The following ASCC3 variants were observed in gnomAD, a reference collection of about 807,000 sequenced individuals.
ASCC3 encodes the protein activating signal cointegrator 1 complex subunit 3, also known as ASC-1 complex subunit P200.
A neutral mutation model predicts 256.3 loss-of-function variants in ASCC3; 158 were observed. The observed-to-expected ratio is 0.62, with a 90% CI of 0.54 to 0.70. The LOEUF (loss-of-function observed/expected upper bound fraction) is 0.70. Ranked by LOEUF, ASCC3 falls within the 30% of genes least tolerant of loss-of-function variation. The probability of loss-of-function intolerance (pLI) is 0.00; values close to 1 mark genes in which losing one functional copy is unlikely to be tolerated. For synonymous variants in ASCC3, 948 were observed against 883.4 expected (o/e 1.07, Z -1.30); for missense variants, 2,259 against 2,626.0 (o/e 0.86, Z 3.05).
chr6:100,715,744 A>C (rs1356666019), intron 12 of ASCC3, among the ~76,000 whole-genome samples: 1 of 151,788 alleles, frequency 6.6e-6, no homozygotes, highest in Non-Finnish European at 1.5e-5. Context: ...AACTCAGATA[A>C]TAGTTTCTGA....
intron 4 of ASCC3, among the ~76,000 whole-genome samples, chr6:100,810,384 T>C (rs1374461274): frequency 6.6e-6 from 1 of 152,168 alleles, no homozygotes; most frequent in African/African-American, 2.4e-5. Context: ...AGATTTCTCA[T>C]TACTCTATGT....
intron 13 of ASCC3, among the ~76,000 whole-genome samples, chr6:100,695,451 C>G (rs1778038658): frequency 6.6e-6 from 1 of 152,106 alleles, no homozygotes; most frequent in South Asian, 2.1e-4. Flanking sequence ...GTAATCCTCC[C>G]TGAAATTTCT....
At chr6:100,563,983 G>C (rs754132079) in intron 36 of ASCC3, among the ~76,000 whole-genome samples, 31 of 151,862 alleles carry the variant, frequency 2.0e-4, no homozygotes, top group Middle Eastern at 3.4e-3. Context: ...CTAGTCCAAG[G>C]TCATACAGTT....
At chr6:100,628,085 C>CAAAAACAAAAAA (rs945307287) in intron 27 of ASCC3, 98 bp from the exon 28 acceptor site, 1 of 1,001,336 alleles carries the variant, frequency 1.0e-6, no homozygotes, top group Admixed American at 2.8e-5. Context: ...CCTCAAAAAA[C>CAAAAACAAAAAA]AAAAACAAAA....
intron 26 of ASCC3, among the ~76,000 whole-genome samples, chr6:100,630,180 C>A (rs970811314): frequency 2.6e-5 from 4 of 152,002 alleles, no homozygotes; most frequent in Admixed American, 6.6e-5. Context: ...TGAGCCACCA[C>A]GCCCAGCCTA....
At chr6:100,528,125 C>T (rs1410788183) in intron 37 of ASCC3, among the ~76,000 whole-genome samples, 1 of 152,062 alleles carries the variant, frequency 6.6e-6, no homozygotes, top group Admixed American at 6.6e-5. Flanking sequence ...GCATGAGATA[C>T]TGCACTTGGC....
intron 10 of ASCC3, among the ~76,000 whole-genome samples, chr6:100,760,606 A>G (rs539630951): frequency 6.6e-6 from 1 of 152,336 alleles, no homozygotes; most frequent in East Asian, 1.9e-4. Flanking sequence ...ATTAAAAAAT[A>G]GAAATGTCTC....
At chr6:100,617,068 G>A (rs1295124250) in intron 30 of ASCC3, among the ~76,000 whole-genome samples, 1 of 152,002 alleles carries the variant, frequency 6.6e-6, no homozygotes, top group Non-Finnish European at 1.5e-5. Flanking sequence ...GCAGTGGCGC[G>A]ATCTTGGCTC....
At chr6:100,761,667 C>T (rs1210004908) in intron 10 of ASCC3, among the ~76,000 whole-genome samples, 1 of 152,058 alleles carries the variant, frequency 6.6e-6, no homozygotes, top group Non-Finnish European at 1.5e-5. Context: ...TATAATCCAA[C>T]ATGCATGACT....
intron 11 of ASCC3, among the ~76,000 whole-genome samples, chr6:100,723,162 T>C (rs1378452358): frequency 1.3e-5 from 2 of 151,704 alleles, no homozygotes; most frequent in Non-Finnish European, 3.0e-5. Context: ...CTTTTAAATA[T>C]TTCTCAATAA....
intron 22 of ASCC3, among the ~76,000 whole-genome samples, chr6:100,645,197 C>A (rs1775319149): frequency 6.6e-6 from 1 of 151,890 alleles, no homozygotes; most frequent in South Asian, 2.1e-4. Context: ...GTAAGAAATA[C>A]AAAACTTCCA....
At chr6:100,837,695 G>C (rs571304516) in intron 4 of ASCC3, among the ~76,000 whole-genome samples, 2 of 147,244 alleles carry the variant, frequency 1.4e-5, no homozygotes, top group East Asian at 3.9e-4. Context: ...CTCATAGAAG[G>C]AGAGAGTACA....
intron 14 of ASCC3, among the ~76,000 whole-genome samples, chr6:100,679,146 A>C (rs796594261): frequency 7.9e-5 from 12 of 151,730 alleles, no homozygotes; most frequent in African/African-American, 2.9e-4. Context: ...TTGTCCTTTG[A>C]GCATGTGTAC....
intron 30 of ASCC3, among the ~76,000 whole-genome samples, chr6:100,616,750 GAC>G (rs1443421572): frequency 1.3e-5 from 2 of 152,116 alleles, no homozygotes; most frequent in Non-Finnish European, 2.9e-5. Flanking sequence ...TACTTGTAAG[GAC>G]AAAAGTGAAT....
At chr6:100,619,689 C>A (rs924902462) in intron 30 of ASCC3, among the ~76,000 whole-genome samples, 1 of 152,114 alleles carries the variant, frequency 6.6e-6, no homozygotes, top group Admixed American at 6.6e-5. Context: ...GGTCTCTAAT[C>A]ATTTTCTCTT....
At chr6:100,568,516 T>C (rs1301710129) in intron 36 of ASCC3, among the ~76,000 whole-genome samples, 2 of 152,052 alleles carry the variant, frequency 1.3e-5, no homozygotes, top group African/African-American at 2.4e-5. Flanking sequence ...TCTGTTCATG[T>C]CTTTTACCCA....
intron 10 of ASCC3, among the ~76,000 whole-genome samples, chr6:100,730,210 T>C (rs527845532): frequency 5.9e-5 from 9 of 152,028 alleles, no homozygotes; most frequent in African/African-American, 2.2e-4. Context: ...AGTGGGAGGA[T>C]TGCTTGAGCC....
At chr6:100,510,128 T>C (rs1302720019) in intron 40 of ASCC3, 21 bp from the exon 41 acceptor site, 3 of 1,613,720 alleles carry the variant, frequency 1.9e-6, no homozygotes, top group Non-Finnish European at 2.5e-6. Flanking sequence ...GAAAAAAAGA[T>C]ACAACATTAA....
At chr6:100,827,872 A>G (rs1334368040) in intron 4 of ASCC3, among the ~76,000 whole-genome samples, 1 of 151,542 alleles carries the variant, frequency 6.6e-6, no homozygotes, top group Non-Finnish European at 1.5e-5. Flanking sequence ...CATTAATTTA[A>G]CAAAATGGAT....
Sources: gnomAD v4.1 joint callset for allele counts (sites outside exome capture counted in the v4.1 genomes callset) on GRCh38, gnomAD v4.1.1 for gene constraint, MANE v1.5 for transcripts, NCBI Gene and HGNC (gene_info 2026-07-23, HGNC 2026-07-21) for gene names.